The following SUMF1 variants were observed in gnomAD, a reference collection of about 807,000 sequenced individuals.
The protein encoded by SUMF1 is formylglycine-generating enzyme.
A neutral mutation model predicts 47.6 loss-of-function variants in SUMF1; 48 were observed. That is an observed-to-expected ratio of 1.01 (90% confidence interval 0.80 to 1.28). SUMF1 has a LOEUF of 1.28. Among genes scored for constraint, SUMF1 ranks in the 50% most tolerant of loss-of-function variants. SUMF1 has a pLI of 0.00. For synonymous variants in SUMF1, 230 were observed against 192.1 expected (o/e 1.20, Z -1.63); for missense variants, 571 against 485.4 (o/e 1.18, Z -1.66).
intron 7 of SUMF1, among the ~76,000 whole-genome samples, chr3:4,389,999 T>G (rs1700804529): frequency 6.6e-6 from 1 of 152,190 alleles, no homozygotes; most frequent in South Asian, 2.1e-4. Flanking sequence ...CTTTGATATC[T>G]TCCTGGTTCT....
At chr3:4,257,771 C>A (rs1169154095) in intron 8 of SUMF1, among the ~76,000 whole-genome samples, 1 of 152,022 alleles carries the variant, frequency 6.6e-6, no homozygotes, top group Non-Finnish European at 1.5e-5. Context: ...CTTTAAAGTT[C>A]ATACGGAACC....
At chr3:4,133,511 C>G (rs565921492) in intron 8 of SUMF1, among the ~76,000 whole-genome samples, 4 of 152,054 alleles carry the variant, frequency 2.6e-5, no homozygotes, top group Non-Finnish European at 5.9e-5. Flanking sequence ...AGGAGATTAA[C>G]ATTTGAGTCA....
At chr3:4,249,912 G>A (rs936997369) in intron 8 of SUMF1, among the ~76,000 whole-genome samples, 1 of 152,208 alleles carries the variant, frequency 6.6e-6, no homozygotes, top group African/African-American at 2.4e-5. Context: ...GCCAGGGGCA[G>A]TGGCTCATGC....
chr3:4,155,014 G>A (rs1437008500), intron 8 of SUMF1, among the ~76,000 whole-genome samples: 1 of 151,494 alleles, frequency 6.6e-6, no homozygotes, highest in Non-Finnish European at 1.5e-5. Flanking sequence ...TATGTTGGCA[G>A]ACTTCAAAAA....
chr3:4,459,908 C>T (rs1251210746), intron 1 of SUMF1, among the ~76,000 whole-genome samples: 1 of 152,092 alleles, frequency 6.6e-6, no homozygotes, highest in African/African-American at 2.4e-5. Flanking sequence ...TCTACTGTAC[C>T]CAATGCAATT....
In SUMF1 at chr3:4,298,377, C is replaced by G. The variant is rs1356644314; in HGVS notation, c.1014+77953G>C. ...AAACATCCTCTCATTATTTTAATCT[C>G]ATACTCTATAAAATACTTTTGGATC... is the stretch of plus-strand genomic sequence containing the variant. On this transcript the variant is annotated intron_variant and NMD_transcript_variant, in intron 8 of 12. Transcript: ENST00000448413. Among the ~76,000 whole-genome samples, 7 of 152,162 alleles carry G rather than the reference C, an allele frequency of 4.6e-5. No individual in the cohort carries two copies. The East Asian group carries it at 1.3e-3, about 29-fold the overall frequency.
intron 8 of SUMF1, among the ~76,000 whole-genome samples, chr3:4,296,559 T>G (rs1215418818): frequency 1.3e-5 from 2 of 152,166 alleles, no homozygotes; most frequent in Non-Finnish European, 2.9e-5. Context: ...GATAAGCGTG[T>G]GCAGGGGAAC....
intron 7 of SUMF1, among the ~76,000 whole-genome samples, chr3:4,383,334 G>C (rs1700570603): frequency 6.6e-6 from 1 of 152,110 alleles, no homozygotes; most frequent in Non-Finnish European, 1.5e-5. Flanking sequence ...AGCCAAGATT[G>C]TGCCACTGCA....
intron 8 of SUMF1, among the ~76,000 whole-genome samples, chr3:4,089,362 C>T (rs564975930): frequency 2.0e-5 from 3 of 152,238 alleles, no homozygotes; most frequent in South Asian, 2.1e-4. Flanking sequence ...AAACTGCTTG[C>T]CTAGAAAACA....
At chr3:4,146,244 G>A (rs533792866) in intron 8 of SUMF1, among the ~76,000 whole-genome samples, 6 of 152,212 alleles carry the variant, frequency 3.9e-5, no homozygotes, top group African/African-American at 4.8e-5. Flanking sequence ...GAGAGGGAAG[G>A]CAATGATTAA....
At chr3:4,434,345 T>G (rs1317914560) in intron 3 of SUMF1, among the ~76,000 whole-genome samples, 2 of 152,252 alleles carry the variant, frequency 1.3e-5, no homozygotes, top group African/African-American at 4.8e-5. Context: ...CCAAGGCTTC[T>G]AAGATAATCT....
intron 8 of SUMF1, among the ~76,000 whole-genome samples, chr3:4,089,290 G>A (rs1692734779): frequency 6.6e-6 from 1 of 152,196 alleles, no homozygotes; most frequent in East Asian, 1.9e-4. Context: ...TTAGTAATCA[G>A]TTACTCATAA....
At chr3:4,376,302 G>A (rs747254247) in intron 8 of SUMF1, 28 bp downstream of exon 8, 22 of 1,613,520 alleles carry the variant, frequency 1.4e-5, no homozygotes, top group Non-Finnish European at 1.8e-5. Flanking sequence ...GAACAAGAAC[G>A]GCAAAACAGT....
At chr3:4,255,043 C>A (rs1427055255) in intron 8 of SUMF1, among the ~76,000 whole-genome samples, 4 of 150,382 alleles carry the variant, frequency 2.7e-5, no homozygotes, top group South Asian at 2.1e-4. Context: ...GAAATAAAAT[C>A]CTTTACAGAC....
chr3:4,069,225 C>G (rs1695456133), intron 8 of SUMF1, among the ~76,000 whole-genome samples: 1 of 152,150 alleles, frequency 6.6e-6, no homozygotes, highest in African/African-American at 2.4e-5. Context: ...AAAGTGAGCT[C>G]TACACAAATC....
intron 8 of SUMF1, among the ~76,000 whole-genome samples, chr3:4,240,617 CTATT>C (rs1482380320): frequency 1.3e-5 from 2 of 151,928 alleles, no homozygotes; most frequent in Non-Finnish European, 2.9e-5. Flanking sequence ...TCATCCAACA[CTATT>C]TATGATAGTG....
intron 8 of SUMF1, among the ~76,000 whole-genome samples, chr3:4,158,590 A>T (rs530294153): frequency 6.6e-6 from 1 of 151,302 alleles, no homozygotes; most frequent in South Asian, 2.1e-4. Context: ...CTCTCTCTTT[A>T]CCTCTAATAA....
At chr3:4,456,888 ATATATATG>A (rs1559312884) in intron 1 of SUMF1, among the ~76,000 whole-genome samples, 1 of 140,054 alleles carries the variant, frequency 7.1e-6, no homozygotes, top group African/African-American at 2.9e-5. Flanking sequence ...ATGTGTGTGT[ATATATATG>A]TGTGTGTATA....
intron 7 of SUMF1, among the ~76,000 whole-genome samples, chr3:4,405,205 A>C (rs1159466057): frequency 6.6e-6 from 1 of 152,188 alleles, no homozygotes; most frequent in Non-Finnish European, 1.5e-5. Context: ...GGGGTCAACA[A>C]GTGTGGCATC....
Sources: allele counts gnomAD v4.1 joint callset (sites outside exome capture counted in the v4.1 genomes callset), GRCh38; gene constraint gnomAD v4.1.1; transcripts MANE v1.5; gene names NCBI Gene and HGNC (gene_info 2026-07-23, HGNC 2026-07-21).